The following TVP23C variants were observed in gnomAD, a reference collection of about 807,000 sequenced individuals.
TVP23C encodes the protein trans-golgi network vesicle protein 23 homolog C.
Under a neutral mutation model 28.7 loss-of-function variants are expected in TVP23C, and 19 were observed. The observed-to-expected ratio is 0.66, with a 90% confidence interval of 0.46 to 0.97. The LOEUF is 0.97. TVP23C is among the 50% of genes least tolerant of loss of function. The pLI is 0.00. For synonymous variants in TVP23C, 68 were observed against 81.7 expected (o/e 0.83, Z 0.90); for missense variants, 186 against 241.3 (o/e 0.77, Z 1.52).
chr17:15,548,567 C>T (rs1276679721), intron 3 of TVP23C, among the ~76,000 whole-genome samples: 1 of 152,164 alleles, frequency 6.6e-6, no homozygotes, highest in East Asian at 1.9e-4. Flanking sequence ...ATTAAAAACA[C>T]CCTGACACAA....
intron 5 of TVP23C, among the ~76,000 whole-genome samples, chr17:15,523,162 G>A (rs1390786731): frequency 2.0e-5 from 3 of 147,674 alleles, no homozygotes; most frequent in Admixed American, 6.7e-5. Context: ...GGTGCATGCC[G>A]CCCGGCTAAT....
intron 5 of TVP23C, chr17:15,506,947 A>T: frequency 1.7e-6 from 2 of 1,204,494 alleles, no homozygotes; most frequent in Non-Finnish European, 2.4e-6. Context: ...GTTTGCAAAC[A>T]AGATTCCAAA....
chr17:15,506,460 G>A (rs2150826101), intron 5 of TVP23C, among the ~76,000 whole-genome samples: 1 of 152,334 alleles, frequency 6.6e-6, no homozygotes, highest in South Asian at 2.1e-4. Context: ...TCAGCGCCCT[G>A]ACAAAACAGG....
At position 15,537,579 on chromosome 17, in the gene TVP23C, G is replaced by A. The variant is rs1351420466; in HGVS notation, c.*2833C>T. On this transcript the variant is annotated 3_prime_UTR_variant, in exon 6 of 6. Transcript: ENST00000518321. The stretch of plus-strand genomic sequence containing the variant: ...GTAGTTAATACCACTGGCCCTAATT[G>A]TTTTCACTTGCTTGCATACGTCTAA... 2.0e-6 allele frequency: 2 copies of A among 984,696 alleles called. No homozygotes were observed. The highest frequency in any genetic ancestry group is 3.5e-5 in the African/African-American group (2 of 57,212). The allele number at this position is 984,696 out of a possible 1,614,324, so 61.0% of individuals were successfully genotyped here.
intron 5 of TVP23C, among the ~76,000 whole-genome samples, chr17:15,519,481 T>TACACAC (rs3031137): frequency 9.8e-5 from 14 of 142,936 alleles, no homozygotes; most frequent in Middle Eastern, 7.1e-3. Context: ...CAAATAAATA[T>TACACAC]ACACACACAC....
At chr17:15,510,677 TC>T (rs1304917114) in intron 5 of TVP23C, among the ~76,000 whole-genome samples, 3 of 152,180 alleles carry the variant, frequency 2.0e-5, no homozygotes, top group African/African-American at 7.2e-5. Context: ...TTTACCAAGT[TC>T]TAGCAACATG....
intron 3 of TVP23C, among the ~76,000 whole-genome samples, chr17:15,549,355 A>T (rs540046902): frequency 1.3e-5 from 2 of 152,316 alleles, no homozygotes; most frequent in Admixed American, 6.5e-5. Flanking sequence ...TAGTGATTCC[A>T]GGCCCCACGA....
downstream of TVP23C, among the ~76,000 whole-genome samples, chr17:15,534,550 T>A (rs1409798791): frequency 1.5e-3 from 228 of 148,596 alleles, 1 homozygote; most frequent in Admixed American, 2.9e-3. Context: ...ATAGTACCTA[T>A]ATGTTGGAGT....
chr17:15,525,137 C>A (rs1982666437), intron 5 of TVP23C, among the ~76,000 whole-genome samples: 1 of 152,254 alleles, frequency 6.6e-6, no homozygotes, highest in African/African-American at 2.4e-5. Flanking sequence ...CACAGGTCAG[C>A]AGTTGAAAAC....
At chr17:15,502,765 T>C (rs1981514967) in exon 6 of TVP23C, 1 of 1,415,580 alleles carries the variant, frequency 7.1e-7, no homozygotes, top group Non-Finnish European at 9.3e-7. Context: ...TTTCTCTCCT[T>C]CTCCGTCACT....
intron 5 of TVP23C, among the ~76,000 whole-genome samples, chr17:15,518,467 A>G (rs1030861246): frequency 6.6e-6 from 1 of 152,138 alleles, no homozygotes; most frequent in Non-Finnish European, 1.5e-5. Flanking sequence ...AGCAATACCT[A>G]TGTAACTCCT....
chr17:15,515,462 C>T (rs1982184326), intron 5 of TVP23C, among the ~76,000 whole-genome samples: 1 of 152,208 alleles, frequency 6.6e-6, no homozygotes, highest in African/African-American at 2.4e-5. Context: ...GGAATCCTGC[C>T]TCCACTCGGG....
chr17:15,545,872 T>G lies in TVP23C; in HGVS notation c.375A>C (p.Arg125Ser), dbSNP rs1271573174. The G allele has an allele frequency of 6.2e-7, 1 of 1,614,116 alleles. No homozygotes were observed. The highest frequency in any genetic ancestry group is 8.5e-7 in the Non-Finnish European group (1 of 1,179,974). The change falls in exon 5 of 6, where the codon AGA becomes AGC. Residue 125 changes from arginine (R) to serine (S), a missense_variant. Arg to Ser is a moderately radical substitution (Grantham distance 110). Around this residue, in one of 3 missense-constraint regions of TVP23C, gnomAD observed 74 missense variants for 96.0 expected, o/e 0.77. Coordinates refer to ENST00000518321, the MANE Select transcript of TVP23C (RefSeq NM_001135036.2). ...AGGCAATAAGTCCCAACCAAAAGAT[T>G]CTTGATTCAGCCTCTGACACAGTTT... The part of the protein sequence containing the change: ...ENKTVSEAES[R>S]IFWLGLIACS...
chr17:15,502,687 A>G, exon 6 of TVP23C: 8 of 1,099,208 alleles, frequency 7.3e-6, no homozygotes, highest in Non-Finnish European at 9.8e-6. Context: ...TTAGTTTTAC[A>G]AGTTCCCTGT....
At chr17:15,505,432 C>A (rs1981679536) in intron 5 of TVP23C, among the ~76,000 whole-genome samples, 1 of 152,236 alleles carries the variant, frequency 6.6e-6, no homozygotes, top group African/African-American at 2.4e-5. Context: ...GGGTTCAAAT[C>A]CCAGCACTGT....
chr17:15,502,746 TC>T (rs1231810925), exon 6 of TVP23C: 8 of 1,018,602 alleles, frequency 7.9e-6, no homozygotes, highest in Non-Finnish European at 9.2e-6. Context: ...CTCTCCTCTC[TC>T]CCGTCTCTTT....
chr17:15,508,920 T>G (rs770010976), intron 5 of TVP23C, among the ~76,000 whole-genome samples: 7 of 152,218 alleles, frequency 4.6e-5, no homozygotes, highest in Non-Finnish European at 8.8e-5. Flanking sequence ...AAGACCCCGA[T>G]GAGTCACTGC....
At chr17:15,502,709 TTC>T (rs1330813236) in exon 6 of TVP23C, 15 of 1,199,198 alleles carry the variant, frequency 1.3e-5, no homozygotes, top group East Asian at 8.5e-5. Flanking sequence ...CGTTCGTTCT[TTC>T]TCTCTCTCCT....
intron 5 of TVP23C, among the ~76,000 whole-genome samples, chr17:15,510,674 A>G (rs1398518743): frequency 1.3e-5 from 2 of 152,212 alleles, no homozygotes; most frequent in Non-Finnish European, 2.9e-5. Flanking sequence ...CCATTTACCA[A>G]GTTCTAGCAA....
Sources: gnomAD v4.1 joint callset for allele counts (sites outside exome capture counted in the v4.1 genomes callset) on GRCh38, gnomAD v4.1.1 for gene constraint, gnomAD v4.1.1 regional missense constraint, MANE v1.5 for transcripts, NCBI Gene and HGNC (gene_info 2026-07-23, HGNC 2026-07-21) for gene names.